STAG1: variants seen among roughly 807,000 people sequenced by gnomAD.
The protein encoded by STAG1 is cohesin subunit SA-1.
A neutral mutation model predicts 170.9 loss-of-function variants in STAG1; 26 were observed. The ratio of observed to expected loss-of-function variants is 0.15; its 90% CI spans 0.11 to 0.21. STAG1 has a LOEUF of 0.21. STAG1 is among the 10% of genes least tolerant of loss of function. The probability of loss-of-function intolerance (pLI) is 1.00; values close to 1 mark genes in which losing one functional copy is unlikely to be tolerated. For synonymous variants in STAG1, 514 were observed against 497.7 expected, an observed-to-expected ratio of 1.03 and a Z score of -0.44; for missense variants, 964 against 1,509.5, an observed-to-expected ratio of 0.64 and a Z score of 5.99.
At chr3:136,664,647 T>C (rs1941692805) in intron 1 of STAG1, among the ~76,000 whole-genome samples, 1 of 152,214 alleles carries the variant, frequency 6.6e-6, no homozygotes, top group South Asian at 2.1e-4. Context: ...ATTGTATGTA[T>C]ATCTGTGCTT....
intron 1 of STAG1, among the ~76,000 whole-genome samples, chr3:136,659,785 A>G (rs796912154): frequency 4.8e-4 from 73 of 152,370 alleles, no homozygotes; most frequent in African/African-American, 1.7e-3. Context: ...AAATTTAGCA[A>G]TGGGCCATCA....
At chr3:136,359,738 T>C (rs888708547) in intron 26 of STAG1, among the ~76,000 whole-genome samples, 3 of 152,104 alleles carry the variant, frequency 2.0e-5, no homozygotes, top group African/African-American at 7.2e-5. Flanking sequence ...CAAACTCCTG[T>C]CCTCAAGTGA....
intron 1 of STAG1, among the ~76,000 whole-genome samples, chr3:136,692,572 T>C (rs779522718): frequency 1.6e-4 from 25 of 151,890 alleles, no homozygotes; most frequent in Non-Finnish European, 2.5e-4. Flanking sequence ...GAGATGGTGG[T>C]TGCAGCAAGC....
intron 1 of STAG1, among the ~76,000 whole-genome samples, chr3:136,703,086 A>C (rs1181209005): frequency 1.3e-5 from 2 of 151,336 alleles, no homozygotes; most frequent in Non-Finnish European, 2.9e-5. Flanking sequence ...AAAAAAAAAA[A>C]AGTAAAGGCT....
intron 22 of STAG1, among the ~76,000 whole-genome samples, 153 bp downstream of exon 22, chr3:136,398,596 T>A (rs1272860875): frequency 6.6e-6 from 1 of 152,076 alleles, no homozygotes; most frequent in African/African-American, 2.4e-5. Context: ...TACTTACTCA[T>A]AAGATAAACC....
chr3:136,519,311 A>C lies in STAG1; in HGVS notation c.676+1902T>G, dbSNP rs141068569. Among the ~76,000 whole-genome samples, 390 of 152,254 alleles carry C rather than the reference A, an allele frequency of 2.6e-3. 1 individual carries two copies. The highest frequency in any genetic ancestry group is 6.6e-3 in the African/African-American group (273 of 41,576). On this transcript the variant is annotated intron_variant, in intron 7 of 33. Transcript: ENST00000383202. ...AGAAAAGTAGCTTGCCCCTACAGAG[A>C]AGCCAAAGGTTGTGCTCTATCTTGA...
At chr3:136,456,591 T>G (rs2089118781) in intron 13 of STAG1, among the ~76,000 whole-genome samples, 1 of 152,100 alleles carries the variant, frequency 6.6e-6, no homozygotes, top group Non-Finnish European at 1.5e-5. Flanking sequence ...GAAAGCATAT[T>G]AAAAGAGTAA....
At chr3:136,473,665 A>G in intron 10 of STAG1, 28 bp from the exon 11 acceptor site, 1 of 1,545,586 alleles carries the variant, frequency 6.5e-7, no homozygotes, top group African/African-American at 1.4e-5. Flanking sequence ...AAAGCACAAC[A>G]GAAGGAGTCA....
intron 2 of STAG1, among the ~76,000 whole-genome samples, chr3:136,625,691 C>A (rs1559916867): frequency 6.6e-6 from 1 of 152,186 alleles, no homozygotes; most frequent in Non-Finnish European, 1.5e-5. Flanking sequence ...ACAATATAAT[C>A]TGTTTCTCAC....
chr3:136,426,108 TA>T (rs552100371), intron 16 of STAG1, among the ~76,000 whole-genome samples: 91 of 144,518 alleles, frequency 6.3e-4, no homozygotes, highest in Admixed American at 1.5e-3. Context: ...TTGCAACAAT[TA>T]AAAAAAAAAA....
At chr3:136,733,907 A>G (rs868457883) in intron 1 of STAG1, among the ~76,000 whole-genome samples, 2 of 152,114 alleles carry the variant, frequency 1.3e-5, no homozygotes, top group South Asian at 2.1e-4. Context: ...GGAGATCAAG[A>G]CCATCCTGGC....
At chr3:136,548,513 G>C (rs759116795) in intron 5 of STAG1, among the ~76,000 whole-genome samples, 5 of 151,892 alleles carry the variant, frequency 3.3e-5, no homozygotes, top group Non-Finnish European at 7.4e-5. Flanking sequence ...GGGTATTAAG[G>C]GTTCTCTGTG....
intron 5 of STAG1, among the ~76,000 whole-genome samples, chr3:136,543,167 G>A (rs904245530): frequency 1.3e-5 from 2 of 152,126 alleles, no homozygotes; most frequent in African/African-American, 4.8e-5. Context: ...ATGGGCAGTT[G>A]AGGTTTAGAA....
At chr3:136,641,566 A>T (rs1940800249) in intron 1 of STAG1, among the ~76,000 whole-genome samples, 1 of 152,250 alleles carries the variant, frequency 6.6e-6, no homozygotes, top group African/African-American at 2.4e-5. Context: ...GTATAATCAG[A>T]TAAACCCAAA....
chr3:136,617,590 TG>T (rs1442012581), intron 3 of STAG1, among the ~76,000 whole-genome samples: 6 of 152,148 alleles, frequency 3.9e-5, no homozygotes, highest in African/African-American at 1.4e-4. Flanking sequence ...TCATAAAACC[TG>T]GTAACAACAG....
rs766888176 is a variant in STAG1, at chr3:136,343,935, G to C, written c.3343C>G (p.Pro1115Ala). The stretch of plus-strand genomic sequence containing the variant: ...CGCAGTACAGTGGATGTGAGTTGTG[G>C]TGCTGGCAGGGGGCCAGGAGTCTGA... ...MIQTPGPLPA[P>A]QLTSTVLREN... The change falls in exon 30 of 34, where the codon CCA becomes GCA. Residue 1115 changes from proline (P) to alanine (A), a missense_variant. Pro to Ala is a conservative substitution (Grantham distance 27). Coordinates refer to ENST00000383202, the MANE Select transcript of STAG1 (RefSeq NM_005862.3). 1 of 1,612,470 alleles carries C rather than the reference G, an allele frequency of 6.2e-7. No homozygotes were observed. Among genetic ancestry groups the C allele is most frequent in the Admixed American group, 1.7e-5 (1 of 59,776 alleles).
At chr3:136,473,021 A>C (rs561087469) in intron 11 of STAG1, among the ~76,000 whole-genome samples, 2 of 152,142 alleles carry the variant, frequency 1.3e-5, no homozygotes, top group African/African-American at 4.8e-5. Flanking sequence ...CATCACTCCC[A>C]CTATTGCCTG....
chr3:136,723,457 A>G (rs1199480094), intron 1 of STAG1, among the ~76,000 whole-genome samples: 1 of 139,762 alleles, frequency 7.2e-6, no homozygotes. Context: ...TCTGCCTGGC[A>G]ACCGCCCCAT....
chr3:136,370,412 AG>A (rs1295318127), intron 23 of STAG1, among the ~76,000 whole-genome samples: 2 of 152,104 alleles, frequency 1.3e-5, no homozygotes, highest in South Asian at 2.1e-4. Context: ...CACAACGTGC[AG>A]GTTTGTTACA....
Sources: allele counts gnomAD v4.1 joint callset (sites outside exome capture counted in the v4.1 genomes callset), GRCh38; gene constraint gnomAD v4.1.1; transcripts MANE v1.5; gene names NCBI Gene and HGNC (gene_info 2026-07-23, HGNC 2026-07-21).